FXYD3: variants seen among roughly 807,000 people sequenced by gnomAD.
The protein encoded by FXYD3 is FXYD domain-containing ion transport regulator 3.
Under a neutral mutation model 19.2 loss-of-function variants are expected in FXYD3, and 13 were observed. The ratio of observed to expected loss-of-function variants is 0.68; its 90% CI spans 0.44 to 1.08. The LOEUF is 1.08. Among genes scored for constraint, FXYD3 ranks in the 50% least tolerant of loss-of-function variants. The pLI, the probability that FXYD3 is intolerant of heterozygous loss-of-function variation, is 0.00. For missense variants in FXYD3, 101 were observed against 109.4 expected, an observed-to-expected ratio of 0.92 and a Z score of 0.34; for synonymous variants, 48 against 38.9, an observed-to-expected ratio of 1.23 and a Z score of -0.87.
In FXYD3 at chr19:35,123,601, C is replaced by CA. The variant is rs1208571082; in HGVS notation, c.*146dup. ...TGGCAGGGCCTCATCTCACCTCTCG[C>CA]AAGAGGGTCTCTTTGTTCAATTTTT... On this transcript the variant is annotated 3_prime_UTR_variant, in exon 9 of 9. Transcript: ENST00000604404. 6 of 790,232 alleles carry CA rather than the reference C, an allele frequency of 7.6e-6. No homozygotes were observed. In the African/African-American group the frequency reaches 1.0e-4, roughly 14 times the overall value. 49.0% of individuals were successfully genotyped at this position (790,232 alleles called of 1,614,324 possible). A position where few individuals can be genotyped will look rare whatever the true frequency, so the allele number is the denominator to read the frequency against.
intron 8 of FXYD3, 36 bp from the exon 9 acceptor site, chr19:35,123,405 T>G: frequency 6.2e-7 from 1 of 1,613,858 alleles, no homozygotes; most frequent in East Asian, 2.2e-5. Context: ...AAGAACTCAA[T>G]CCACCCTCAC....
At chr19:35,122,325 T>G (rs1320291340) in intron 5 of FXYD3, among the ~76,000 whole-genome samples, 2 of 152,112 alleles carry the variant, frequency 1.3e-5, no homozygotes, top group Non-Finnish European at 2.9e-5. Context: ...TGGCTAATTT[T>G]TGTATTTTTA....
At chr19:35,122,727 A>G (rs1415761659) in intron 5 of FXYD3, 38 bp from the exon 6 acceptor site, 2 of 1,525,362 alleles carry the variant, frequency 1.3e-6, no homozygotes, top group African/African-American at 2.7e-5. Context: ...TGGAGAGGAC[A>G]CAGGCTGGCA....
chr19:35,119,745 A>T (rs1370893006), intron 3 of FXYD3: 3 of 389,938 alleles, frequency 7.7e-6, no homozygotes, highest in African/African-American at 2.1e-5. Context: ...ATCACAGTTC[A>T]CTACAGCCTT....
intron 2 of FXYD3, chr19:35,119,143 GTTA>G: frequency 6.6e-7 from 1 of 1,526,470 alleles, no homozygotes; most frequent in Non-Finnish European, 8.9e-7. Context: ...TGTCCAGTGA[GTTA>G]TTATGGCTCC....
chr19:35,122,839 A>C lies in FXYD3; in HGVS notation c.172A>C (p.Ser58Arg). 1.2e-6 allele frequency: 2 copies of C among 1,613,892 alleles called. No homozygotes were observed. Among genetic ancestry groups the C allele is most frequent in the Non-Finnish European group, 1.7e-6 (2 of 1,179,910 alleles). Residue 58 changes from serine (S) to arginine (R), a missense_variant and splice_region_variant, in exon 6 of 9, where the codon AGT becomes CGT. Coordinates refer to ENST00000604404, the MANE Select transcript of FXYD3 (RefSeq NM_005971.4). The stretch of plus-strand genomic sequence containing the variant: ...CGCCATGGGCATCATCATCGTCATG[A>C]GTGAGTGGAGGAGCTCGGGGGAGCA... Reference protein sequence around the residue: ...LCAMGIIIVMSAKCKCKFGQK... With the variant: ...LCAMGIIIVMRAKCKCKFGQK...
chr19:35,123,157 C>G (rs2065086662), intron 7 of FXYD3, 114 bp from the exon 8 acceptor site: 2 of 1,498,618 alleles, frequency 1.3e-6, no homozygotes, highest in Admixed American at 4.9e-5. Flanking sequence ...ATTGCACAAC[C>G]CCCCAAATGG....
At chr19:35,119,327 G>A in intron 2 of FXYD3, 36 bp from the exon 3 acceptor site, 1 of 1,612,202 alleles carries the variant, frequency 6.2e-7, no homozygotes, top group South Asian at 1.1e-5. Flanking sequence ...CCTCCCGGTG[G>A]CTCTGCTAAG....
At chr19:35,119,339 C>A (rs919425174) in intron 2 of FXYD3, 24 bp from the exon 3 acceptor site, 1 of 1,613,384 alleles carries the variant, frequency 6.2e-7, no homozygotes. Flanking sequence ...TCTGCTAAGG[C>A]CAGACCTCCC....
At position 35,123,567 on chromosome 19, in the gene FXYD3, T is replaced by A; in HGVS notation, c.*110T>A. 1 of 1,145,788 alleles carries A rather than the reference T, an allele frequency of 8.7e-7. No homozygotes were observed. The highest frequency in any genetic ancestry group is 1.3e-6 in the Non-Finnish European group (1 of 767,586). The allele number at this position is 1,145,788 out of a possible 1,614,324, so 71.0% of individuals were successfully genotyped here. Reference sequence around the variant, plus strand: ...GGAATTCTTCCTCCTCTGCTGGGACTCCTTTGCATGGCAGGGCCTCATCTC... The same window carrying A: ...GGAATTCTTCCTCCTCTGCTGGGACACCTTTGCATGGCAGGGCCTCATCTC... On this transcript the variant is annotated 3_prime_UTR_variant, in exon 9 of 9. Transcript: ENST00000604404.
intron 8 of FXYD3, 45 bp downstream of exon 8, chr19:35,123,353 T>G: frequency 6.3e-7 from 1 of 1,595,830 alleles, no homozygotes; most frequent in African/African-American, 1.3e-5. Flanking sequence ...GGAAGTGGTG[T>G]GTGTGTGTGT....
intron 2 of FXYD3, 183 bp from the exon 3 acceptor site, chr19:35,119,180 C>G: frequency 6.4e-7 from 1 of 1,557,796 alleles, no homozygotes; most frequent in Non-Finnish European, 8.7e-7. Context: ...CCGAGTTTCA[C>G]CCAGTCCCCA....
rs2065099598 is a variant in FXYD3, at chr19:35,123,511, T to C, written c.*54T>C. Reference sequence around the variant, plus strand: ...AGGACCGTTCTCTGTCCCCAGGTCCTGTCTCTGCACAGAAACTTGAACTCC... The same window carrying C: ...AGGACCGTTCTCTGTCCCCAGGTCCCGTCTCTGCACAGAAACTTGAACTCC... On this transcript the variant is annotated 3_prime_UTR_variant, in exon 9 of 9. Transcript: ENST00000604404. 6.3e-7 allele frequency: 1 copy of C among 1,596,174 alleles called. No homozygotes were observed. The highest frequency in any genetic ancestry group is 1.3e-5 in the African/African-American group (1 of 74,694).
At position 35,123,354 on chromosome 19, in the gene FXYD3, G is replaced by C. The variant is rs780198869; in HGVS notation, c.247+46G>C. The C allele has an allele frequency of 3.1e-6, 5 of 1,609,698 alleles. No homozygotes were observed. In the African/African-American group the frequency reaches 6.7e-5, roughly 22 times the overall value. On this transcript the variant is annotated intron_variant, in intron 8 of 8. Transcript: ENST00000604404. ...GCTCAGGGGAACACGGAAGTGGTGT[G>C]TGTGTGTGTGTGTATGTGTGTGTTT...
At chr19:35,119,299 C>G in intron 2 of FXYD3, 64 bp from the exon 3 acceptor site, 1 of 1,608,244 alleles carries the variant, frequency 6.2e-7, no homozygotes, top group South Asian at 1.1e-5. Context: ...GGTTGGGGAG[C>G]CACAGGCACA....
intron 2 of FXYD3, 167 bp downstream of exon 2, chr19:35,116,526 C>T (rs2064889103): frequency 1.0e-6 from 1 of 985,422 alleles, no homozygotes; most frequent in South Asian, 4.7e-5. Context: ...GTCCCTTCCC[C>T]TAATGTCCCT....
At chr19:35,117,519 G>C in intron 2 of FXYD3, 1 of 775,846 alleles carries the variant, frequency 1.3e-6, no homozygotes, top group Non-Finnish European at 1.9e-6. Context: ...GTGGGAAGCT[G>C]AGAAAATGCC....
chr19:35,120,749 C>T (rs555543894), intron 3 of FXYD3, among the ~76,000 whole-genome samples: 25 of 152,272 alleles, frequency 1.6e-4, no homozygotes, highest in Admixed American at 1.2e-3. Flanking sequence ...AACCATCTGT[C>T]GTCTTGACCA....
At chr19:35,117,098 G>A (rs564734961) in intron 2 of FXYD3, 1 of 985,374 alleles carries the variant, frequency 1.0e-6, no homozygotes, top group South Asian at 4.7e-5. Context: ...AGCATCAGCT[G>A]CAGGGCTGCC....
Sources: gnomAD v4.1 joint callset for allele counts (sites outside exome capture counted in the v4.1 genomes callset) on GRCh38, gnomAD v4.1.1 for gene constraint, MANE v1.5 for transcripts, NCBI Gene and HGNC (gene_info 2026-07-23, HGNC 2026-07-21) for gene names.